Variants in PARD3B observed in about 807,000 individuals in gnomAD.
PARD3B encodes the protein partitioning defective 3 homolog B.
PARD3B carries 103 observed loss-of-function variants against 130.2 expected under a neutral mutation model. That is an observed-to-expected ratio of 0.79 (90% CI 0.67 to 0.93). PARD3B has a LOEUF of 0.93. Ranked by LOEUF, PARD3B falls within the 40% of genes least tolerant of loss-of-function variation. The pLI, the probability that PARD3B is intolerant of heterozygous loss-of-function variation, is 0.00. For missense variants in PARD3B, 1,609 were observed against 1,499.2 expected (o/e 1.07, Z -1.21); for synonymous variants, 583 against 553.2 (o/e 1.05, Z -0.76).
At chr2:205,482,079 G>A (rs188145918) in intron 20 of PARD3B, among the ~76,000 whole-genome samples, 276 of 152,292 alleles carry the variant, frequency 1.8e-3, no homozygotes, top group Non-Finnish European at 2.6e-3. Context: ...CCACTCCGGG[G>A]ATCATATGTT....
At chr2:204,998,358 A>ATATATATATATATATG (rs1400529301) in intron 3 of PARD3B, among the ~76,000 whole-genome samples, 3 of 69,870 alleles carry the variant, frequency 4.3e-5, no homozygotes, top group Non-Finnish European at 7.8e-5. Flanking sequence ...ATATATATAT[A>ATATATATATATATATG]TGTGTGTGTG....
chr2:204,607,764 A>C (rs1238097419), intron 1 of PARD3B, among the ~76,000 whole-genome samples: 1 of 152,192 alleles, frequency 6.6e-6, no homozygotes, highest in Non-Finnish European at 1.5e-5. Context: ...ACACTCCTTC[A>C]GGGACCTGTA....
chr2:204,972,405 T>G (rs1288879929), intron 3 of PARD3B, among the ~76,000 whole-genome samples: 2 of 152,192 alleles, frequency 1.3e-5, no homozygotes, highest in Non-Finnish European at 1.5e-5. Context: ...ACCACCATCC[T>G]AACAGAACTT....
rs1371018375 is a variant in PARD3B, at chr2:205,446,314, G to A, written c.3044+5642G>A. Among the ~76,000 whole-genome samples, 3 of 151,822 alleles carry A rather than the reference G, an allele frequency of 2.0e-5. No homozygotes were observed. The highest frequency in any genetic ancestry group is 4.8e-5 in the African/African-American group (2 of 41,280). On this transcript the variant is annotated intron_variant, in intron 20 of 22. Transcript: ENST00000406610. This position sits in a 1 kb window ranked among gnomAD's most constrained non-coding sequence, Gnocchi z 4.4. ...TTGGAGAAGAGCTCGCTGAGGGGAA[G>A]AACTCACTGAGGGTTTTAACGTGAG...
chr2:205,534,608 A>G (rs1017772862), intron 21 of PARD3B, among the ~76,000 whole-genome samples: 6 of 152,134 alleles, frequency 3.9e-5, no homozygotes, highest in African/African-American at 1.2e-4. Context: ...AACTGGGATT[A>G]CAGGTGCCCG....
At position 205,092,944 on chromosome 2, in the gene PARD3B, T is replaced by C. The variant is rs1023468654; in HGVS notation, c.505-11482T>C. Among the ~76,000 whole-genome samples, 18 of 152,180 alleles carry C rather than the reference T, an allele frequency of 1.2e-4. 3 individuals carry two copies. The highest frequency in any genetic ancestry group is 1.0e-3 in the Admixed American group (16 of 15,262). On this transcript the variant is annotated intron_variant, in intron 4 of 22. Transcript: ENST00000406610. ...AATAAATAAAATATAGGTGCATATG[T>C]AAAGAAACATAACCAGCCAGGTACA...
intron 1 of PARD3B, among the ~76,000 whole-genome samples, chr2:204,629,531 G>A (rs527980279): frequency 9.9e-5 from 15 of 152,214 alleles, no homozygotes; most frequent in African/African-American, 3.6e-4. Context: ...GATTTATTAA[G>A]TTCTCTACCT....
intron 15 of PARD3B, among the ~76,000 whole-genome samples, chr2:205,203,148 C>G (rs2037081864): frequency 6.6e-6 from 1 of 152,074 alleles, no homozygotes. Context: ...GTTTAGAAAA[C>G]CTTAACCAAT....
At chr2:204,846,674 G>T (rs1179902593) in intron 2 of PARD3B, among the ~76,000 whole-genome samples, 3 of 150,222 alleles carry the variant, frequency 2.0e-5, no homozygotes, top group Non-Finnish European at 4.4e-5. Flanking sequence ...ACAAGGTCCA[G>T]TGAGCACACG....
chr2:204,643,607 T>C (rs2035169326), intron 1 of PARD3B, among the ~76,000 whole-genome samples: 1 of 152,026 alleles, frequency 6.6e-6, no homozygotes, highest in African/African-American at 2.4e-5. Flanking sequence ...TGAGATTTTT[T>C]TGTGATTTTT....
intron 4 of PARD3B, among the ~76,000 whole-genome samples, chr2:205,089,363 G>A (rs1364393316): frequency 6.6e-6 from 1 of 151,892 alleles, no homozygotes; most frequent in Admixed American, 6.6e-5. Context: ...TACAGACAGG[G>A]TTTCACCATG....
intron 2 of PARD3B, among the ~76,000 whole-genome samples, chr2:204,694,022 A>G (rs1486872833): frequency 1.3e-5 from 2 of 152,050 alleles, no homozygotes; most frequent in African/African-American, 4.8e-5. Context: ...CCATTCAACC[A>G]CTTGTAACTC....
intron 4 of PARD3B, among the ~76,000 whole-genome samples, chr2:205,083,392 A>AGT (rs1701551430): frequency 6.6e-6 from 1 of 152,002 alleles, no homozygotes; most frequent in African/African-American, 2.4e-5. Flanking sequence ...CTAGTCTTAA[A>AGT]CTAAGTAAGA....
intron 1 of PARD3B, among the ~76,000 whole-genome samples, chr2:204,622,823 G>C (rs1460153280): frequency 6.6e-6 from 1 of 152,106 alleles, no homozygotes; most frequent in Non-Finnish European, 1.5e-5. Context: ...GTTGAATATA[G>C]TGTATTATCA....
chr2:204,619,293 A>G (rs1347066970), intron 1 of PARD3B, among the ~76,000 whole-genome samples: 1 of 152,148 alleles, frequency 6.6e-6, no homozygotes, highest in Non-Finnish European at 1.5e-5. Context: ...CTGAAAGCTG[A>G]GGGATGGTTT....
At chr2:205,385,517 G>A (rs964356) in intron 18 of PARD3B, among the ~76,000 whole-genome samples, 36,084 of 152,002 alleles carry the variant, frequency 0.24, 5,153 homozygotes, top group African/African-American at 0.4. Flanking sequence ...CTGATAATCC[G>A]TATGTTCAGT....
chr2:204,913,703 TAAG>T (rs1444910435), intron 2 of PARD3B, among the ~76,000 whole-genome samples: 1 of 152,218 alleles, frequency 6.6e-6, no homozygotes, highest in Non-Finnish European at 1.5e-5. Flanking sequence ...GTGTCTAGTT[TAAG>T]AAGTTTTGCA....
At chr2:205,094,209 A>G (rs1160775109) in intron 4 of PARD3B, among the ~76,000 whole-genome samples, 1 of 152,162 alleles carries the variant, frequency 6.6e-6, no homozygotes, top group African/African-American at 2.4e-5. Context: ...TTGAAACTAG[A>G]GGCTTCCAAT....
chr2:205,225,793 A>G (rs2038512303), intron 15 of PARD3B, among the ~76,000 whole-genome samples: 1 of 152,204 alleles, frequency 6.6e-6, no homozygotes, highest in African/African-American at 2.4e-5. Flanking sequence ...ATGAGAACAA[A>G]CAGCAAGGGG....
Sources: allele counts gnomAD v4.1 joint callset (sites outside exome capture counted in the v4.1 genomes callset), GRCh38; gene constraint gnomAD v4.1.1; non-coding constraint Gnocchi (gnomAD v3.1); transcripts MANE v1.5; gene names NCBI Gene and HGNC (gene_info 2026-07-23, HGNC 2026-07-21).